The following CD226 variants were observed in gnomAD, a reference collection of about 807,000 sequenced individuals.
CD226 encodes CD226 molecule, also known as CD226 antigen.
A neutral mutation model predicts 34.9 loss-of-function variants in CD226; 24 were observed. That is an observed-to-expected ratio of 0.69 (90% CI 0.50 to 0.97). The LOEUF (loss-of-function observed/expected upper bound fraction) is 0.97, where lower values mean the gene tolerates loss of function less well. Among genes scored for constraint, CD226 ranks in the 50% least tolerant of loss-of-function variants. CD226 has a pLI of 0.00. For synonymous variants in CD226, 148 were observed against 147.4 expected (o/e 1.00, Z -0.03); for missense variants, 397 against 412.7 (o/e 0.96, Z 0.33).
chr18:69,937,896 G>C (rs1027933204), intron 2 of CD226, among the ~76,000 whole-genome samples: 1 of 152,136 alleles, frequency 6.6e-6, no homozygotes, highest in Non-Finnish European at 1.5e-5. Context: ...AATATTAAAG[G>C]AATCTCTTTA....
At chr18:69,961,480 C>A (rs894435359), upstream of CD226, 5 of 152,134 alleles carry the variant, frequency 3.3e-5, no homozygotes, top group African/African-American at 7.2e-5. Flanking sequence ...TATGTTTGCA[C>A]AATCAATCAT....
chr18:69,871,710 G>A (rs914134339), intron 4 of CD226, among the ~76,000 whole-genome samples: 3 of 152,204 alleles, frequency 2.0e-5, no homozygotes, highest in Admixed American at 6.5e-5. Flanking sequence ...AGCAATGGGT[G>A]TGCTTCAGTT....
chr18:69,950,175 C>T (rs961639740), upstream of CD226, among the ~76,000 whole-genome samples: 3 of 152,068 alleles, frequency 2.0e-5, no homozygotes, highest in Admixed American at 1.3e-4. Flanking sequence ...CAAACACACT[C>T]GTACATGCAT....
rs1331029683 is a variant in CD226 at position 69,854,277 on chromosome 18, A to G, written c.*10037T>C. 6.6e-6 allele frequency: 1 copy of G among 152,238 alleles called. No individual in the cohort carries two copies. The highest frequency in any genetic ancestry group is 1.5e-5 in the Non-Finnish European group (1 of 68,054). The allele number at this position is 152,238 out of a possible 1,614,324, so 9.4% of individuals were successfully genotyped here. ...GATACATCCAGAGAGATACGCAACCAATAGCCATTTATCTGGAGTCAAAGC... is the reference window on the plus strand; with the variant it reads ...GATACATCCAGAGAGATACGCAACCGATAGCCATTTATCTGGAGTCAAAGC... On this transcript the variant is annotated 3_prime_UTR_variant, in exon 6 of 6. Transcript: ENST00000582621.
rs1411192835 is a variant in CD226, at chr18:69,861,561, T to TATATATATATATATAC, written c.*2752_*2753insGTATATATATATATAT. Reference sequence around the variant, plus strand: ...ATATGTGTATATATATATGTATATATATATATATATATGTAAAACTTAAGA... The same window carrying TATATATATATATATAC: ...ATATGTGTATATATATATGTATATATATATATATATATATACATATATATATATGTAAAACTTAAGA... On this transcript the variant is annotated 3_prime_UTR_variant, in exon 6 of 6. Transcript: ENST00000582621. 47 of 145,432 alleles carry TATATATATATATATAC rather than the reference T, an allele frequency of 3.2e-4. No homozygotes were observed. Among genetic ancestry groups the TATATATATATATATAC allele is most frequent in the East Asian group, 8.0e-4 (4 of 4,994 alleles). The allele number at this position is 145,432 out of a possible 1,614,324, so 9.0% of individuals were successfully genotyped here. A position where few individuals can be genotyped will look rare whatever the true frequency, so the allele number is the denominator to read the frequency against.
upstream of CD226, among the ~76,000 whole-genome samples, chr18:69,952,237 C>T (rs2055860695): frequency 1.3e-5 from 2 of 152,076 alleles, no homozygotes; most frequent in Non-Finnish European, 2.9e-5. Flanking sequence ...TACCCATGGA[C>T]ATACAGTATG....
At chr18:69,942,959 G>A (rs377752400) in intron 2 of CD226, among the ~76,000 whole-genome samples, 19 of 152,254 alleles carry the variant, frequency 1.2e-4, no homozygotes, top group Admixed American at 2.6e-4. Context: ...GGTCCAGCAC[G>A]ACTTTTCTCT....
chr18:69,861,108 TTAC>T lies in CD226; in HGVS notation c.*3203_*3205del, dbSNP rs932712110. The stretch of plus-strand genomic sequence containing the variant: ...CCACGAATGCCTACTAAAAGTATTT[TTAC>T]TTACTTTGTCTTTTAAATTGATAAC... On this transcript the variant is annotated 3_prime_UTR_variant, in exon 6 of 6. Coordinates refer to ENST00000582621, the MANE Select transcript of CD226 (RefSeq NM_001303618.2). 3 of 152,102 alleles carry T rather than the reference TTAC, an allele frequency of 2.0e-5. No homozygotes were observed. The highest frequency in any genetic ancestry group is 2.9e-5 in the Non-Finnish European group (2 of 67,964). 9.4% of individuals were successfully genotyped at this position (152,102 alleles called of 1,614,324 possible).
chr18:69,872,158 T>A (rs1276487641), intron 4 of CD226, among the ~76,000 whole-genome samples: 1 of 151,750 alleles, frequency 6.6e-6, no homozygotes, highest in African/African-American at 2.4e-5. Context: ...AGCAAACATA[T>A]ATTAAGTATC....
chr18:69,918,315 G>C lies in CD226; in HGVS notation c.383-22270C>G, dbSNP rs201591240. 1.1e-4 allele frequency among the ~76,000 whole-genome samples: 16 copies of C among 152,338 alleles called. No homozygotes were observed. In the East Asian group the frequency reaches 3.1e-3, roughly 29 times the overall value. ...CGCCTGTAATCCCAGCACTTTGGGAGGCCGAGGCAGGTGGATCACCTGAGG... is the reference window on the plus strand; with the variant it reads ...CGCCTGTAATCCCAGCACTTTGGGACGCCGAGGCAGGTGGATCACCTGAGG... On this transcript the variant is annotated intron_variant, in intron 2 of 5. Transcript: ENST00000582621.
At chr18:69,924,819 GAGA>G (rs1254542804) in intron 2 of CD226, among the ~76,000 whole-genome samples, 2 of 151,604 alleles carry the variant, frequency 1.3e-5, no homozygotes, top group African/African-American at 4.8e-5. Flanking sequence ...AGTAAATGCT[GAGA>G]AGTTTTTCAG....
intron 4 of CD226, 128 bp downstream of exon 4, chr18:69,873,016 C>T: frequency 1.6e-6 from 1 of 644,178 alleles, no homozygotes; most frequent in Admixed American, 2.6e-5. Context: ...TACTTCTCCT[C>T]CTTTGTGTTA....
intron 2 of CD226, among the ~76,000 whole-genome samples, chr18:69,925,879 C>T (rs1171383812): frequency 1.3e-5 from 2 of 152,112 alleles, no homozygotes; most frequent in Non-Finnish European, 2.9e-5. Context: ...ACAGTGGATC[C>T]TGCCTGTAAT....
chr18:69,959,443 ACATCCCTAGTTGCAG>A (rs2055919395), upstream of CD226, among the ~76,000 whole-genome samples: 1 of 152,216 alleles, frequency 6.6e-6, no homozygotes, highest in South Asian at 2.1e-4. Flanking sequence ...AAAAGTCATC[ACATCCCTAGTTGCAG>A]CATCGCATCA....
chr18:69,936,183 A>G (rs573196871), intron 2 of CD226, among the ~76,000 whole-genome samples: 1 of 152,190 alleles, frequency 6.6e-6, no homozygotes, highest in Admixed American at 6.5e-5. Flanking sequence ...TCAATTGTGT[A>G]TATAAATTTA....
chr18:69,908,991 T>A (rs1485607750), intron 2 of CD226, among the ~76,000 whole-genome samples: 2 of 152,278 alleles, frequency 1.3e-5, no homozygotes, highest in African/African-American at 4.8e-5. Flanking sequence ...GTGATATCAC[T>A]TATTCTGTGA....
At chr18:69,898,106 TAAAAC>T (rs1336351339) in intron 2 of CD226, among the ~76,000 whole-genome samples, 1 of 150,572 alleles carries the variant, frequency 6.6e-6, no homozygotes, top group Non-Finnish European at 1.5e-5. Flanking sequence ...AAATAAAAAT[TAAAAC>T]AGGGAAAGGA....
Position 69,863,245 on chromosome 18 carries a change from T to G in CD226, c.*1069A>C, listed in dbSNP as rs1439734525. On this transcript the variant is annotated 3_prime_UTR_variant, in exon 6 of 6. Coordinates refer to ENST00000582621, the MANE Select transcript of CD226 (RefSeq NM_001303618.2). ...TCAACTGTCACTTTTAGTGGTATAT[T>G]ATATTCAACTTTCACATAATCATTA... 6.6e-6 allele frequency: 1 copy of G among 152,188 alleles called. No homozygotes were observed. The highest frequency in any genetic ancestry group is 1.5e-5 in the Non-Finnish European group (1 of 68,028). The allele number at this position is 152,188 out of a possible 1,614,324, so 9.4% of individuals were successfully genotyped here.
At chr18:69,945,309 T>C (rs1364674319) in intron 2 of CD226, among the ~76,000 whole-genome samples, 1 of 152,136 alleles carries the variant, frequency 6.6e-6, no homozygotes, top group African/African-American at 2.4e-5. Flanking sequence ...CCAACCCCAT[T>C]TCCTCTTCAG....
Sources: gnomAD v4.1 joint callset for allele counts (sites outside exome capture counted in the v4.1 genomes callset) on GRCh38, gnomAD v4.1.1 for gene constraint, MANE v1.5 for transcripts, NCBI Gene and HGNC (gene_info 2026-07-23, HGNC 2026-07-21) for gene names.